The following BRSK2 variants were observed in gnomAD, a reference collection of about 807,000 sequenced individuals.
BRSK2 encodes the protein BR serine/threonine kinase 2, also known as serine/threonine-protein kinase BRSK2.
Under a neutral mutation model 83.3 loss-of-function variants are expected in BRSK2, and 19 were observed. The observed-to-expected ratio is 0.23, with a 90% CI of 0.16 to 0.33. The LOEUF (loss-of-function observed/expected upper bound fraction) is 0.33. BRSK2 is among the 10% of genes least tolerant of loss of function. The pLI, the probability that BRSK2 is intolerant of heterozygous loss-of-function variation, is 1.00. For synonymous variants in BRSK2, 519 were observed against 435.4 expected (o/e 1.19, Z -2.39); for missense variants, 798 against 1,042.3 (o/e 0.77, Z 3.23).
Position 1,424,823 on chromosome 11 carries a change from G to T in BRSK2, c.92-11217G>T, listed in dbSNP as rs191554887. ...GGTGGGCTCCCTGGGACCTACTGGC[G>T]GGGGGGCAGGTTGCGGGGGTGGAGC... On this transcript the variant is annotated intron_variant, in intron 1 of 19. Transcript: ENST00000528841. 8.1e-3 allele frequency among the ~76,000 whole-genome samples: 1,230 copies of T among 152,026 alleles called. 18 individuals carry two copies. The highest frequency in any genetic ancestry group is 0.028 in the African/African-American group (1,150 of 41,466).
At position 1,403,867 on chromosome 11, in the gene BRSK2, G is replaced by A. The variant is rs533842979; in HGVS notation, c.91+13492G>A. Reference sequence around the variant, plus strand: ...CTTCTCTGGGGGAAACACGTTGAGCGCTTCCCCACGTGGGGAGGCGGCCGG... The same window carrying A: ...CTTCTCTGGGGGAAACACGTTGAGCACTTCCCCACGTGGGGAGGCGGCCGG... On this transcript the variant is annotated intron_variant, in intron 1 of 19. Transcript: ENST00000528841. Among the ~76,000 whole-genome samples, 8 of 152,280 alleles carry A rather than the reference G, an allele frequency of 5.3e-5. No individual in the cohort carries two copies. The South Asian group carries it at 1.0e-3, about 20-fold the overall frequency.
At chr11:1,449,928 C>G in intron 13 of BRSK2, 92 bp downstream of exon 13, 1 of 902,272 alleles carries the variant, frequency 1.1e-6, no homozygotes, top group Admixed American at 2.1e-5. Context: ...GCCTCGCGGA[C>G]CCTGGGAAGC....
At chr11:1,415,349 C>T (rs560168470) in intron 1 of BRSK2, among the ~76,000 whole-genome samples, 2 of 152,274 alleles carry the variant, frequency 1.3e-5, no homozygotes, top group South Asian at 4.1e-4. Context: ...CCGTCTGGGC[C>T]TCCCAAAGTG....
At chr11:1,398,571 C>T (rs918777584) in intron 1 of BRSK2, among the ~76,000 whole-genome samples, 1 of 152,184 alleles carries the variant, frequency 6.6e-6, no homozygotes, top group Non-Finnish European at 1.5e-5. Context: ...GCCCCCTGTG[C>T]AGCCCCTTGG....
intron 1 of BRSK2, among the ~76,000 whole-genome samples, chr11:1,396,644 G>A (rs1286123009): frequency 6.6e-6 from 1 of 152,234 alleles, no homozygotes; most frequent in Non-Finnish European, 1.5e-5. Flanking sequence ...CTTGCTTGAG[G>A]GCTTCTGTGC....
intron 1 of BRSK2, among the ~76,000 whole-genome samples, chr11:1,416,106 G>A (rs1367044274): frequency 1.3e-5 from 2 of 152,268 alleles, no homozygotes; most frequent in African/African-American, 4.8e-5. Context: ...GGCCACCCGA[G>A]CTAGGGCAAG....
chr11:1,427,363 C>CA (rs1269840940), intron 1 of BRSK2, among the ~76,000 whole-genome samples: 2 of 152,178 alleles, frequency 1.3e-5, no homozygotes, highest in African/African-American at 2.4e-5. Context: ...GGCCTGCTCT[C>CA]AGATACCACG....
chr11:1,410,578 TC>T, intron 1 of BRSK2: 2 of 985,380 alleles, frequency 2.0e-6, no homozygotes, highest in South Asian at 9.4e-5. Context: ...GGCTCTCTGG[TC>T]CCCGGGAGTG....
chr11:1,449,649 A>G, intron 12 of BRSK2, 127 bp from the exon 13 acceptor site: 3 of 737,758 alleles, frequency 4.1e-6, no homozygotes, highest in Middle Eastern at 6.9e-4. Flanking sequence ...AGCAGGACCC[A>G]GGGCCTCGAG....
intron 12 of BRSK2, chr11:1,447,927 C>A: frequency 1.4e-6 from 2 of 1,465,746 alleles, no homozygotes; most frequent in Non-Finnish European, 9.3e-7. Flanking sequence ...TGCCTCAGGC[C>A]GGGCAGGCAC....
intron 1 of BRSK2, among the ~76,000 whole-genome samples, chr11:1,415,298 G>A (rs1448076291): frequency 6.6e-6 from 1 of 152,108 alleles, no homozygotes; most frequent in African/African-American, 2.4e-5. Flanking sequence ...GTTTCACCAT[G>A]TTAGCCAGGA....
chr11:1,433,256 G>C (rs190343734), intron 1 of BRSK2, among the ~76,000 whole-genome samples: 1 of 152,230 alleles, frequency 6.6e-6, no homozygotes, highest in Admixed American at 6.5e-5. Flanking sequence ...CCAGGGCTTC[G>C]CCACCTACCC....
At position 1,405,363 on chromosome 11, in the gene BRSK2, C is replaced by T. The variant is rs184736995; in HGVS notation, c.91+14988C>T. ...GTCTGCATATGCAGGTGTGTGTGTG[C>T]GTGCCCACCTGTGTGTGCAGGTGCC... is the stretch of plus-strand genomic sequence containing the variant. On this transcript the variant is annotated intron_variant, in intron 1 of 19. Transcript: ENST00000528841. 1.7e-3 allele frequency among the ~76,000 whole-genome samples: 259 copies of T among 152,130 alleles called. 1 individual carries two copies. Among genetic ancestry groups the T allele is most frequent in the Non-Finnish European group, 2.9e-3 (195 of 67,974 alleles).
At position 1,445,544 on chromosome 11, in the gene BRSK2, G is replaced by GC. The variant is rs1158360832; in HGVS notation, c.978-26dup. 2.5e-6 allele frequency: 4 copies of GC among 1,593,190 alleles called. No homozygotes were observed. The Admixed American group carries it at 7.1e-5, about 28-fold the overall frequency. On this transcript the variant is annotated intron_variant, in intron 10 of 19. Transcript: ENST00000528841. Reference sequence around the variant, plus strand: ...GGAGCCGGCGGCCCCGTGTGCCAGCGCGTCTCGCGCCTCTCGCCCGCTGTA... The same window carrying GC: ...GGAGCCGGCGGCCCCGTGTGCCAGCGCCGTCTCGCGCCTCTCGCCCGCTGTA...
chr11:1,413,384 G>A (rs1847764847), intron 1 of BRSK2, among the ~76,000 whole-genome samples: 1 of 152,164 alleles, frequency 6.6e-6, no homozygotes, highest in Non-Finnish European at 1.5e-5. Context: ...CAGGACCATG[G>A]TAGGAGACTC....
chr11:1,395,906 C>T (rs1172462073), intron 1 of BRSK2, among the ~76,000 whole-genome samples: 1 of 152,188 alleles, frequency 6.6e-6, no homozygotes, highest in Admixed American at 6.5e-5. Flanking sequence ...GAGTTGTGTC[C>T]AGAACCACTG....
chr11:1,449,991 C>T (rs73409602), intron 13 of BRSK2, among the ~76,000 whole-genome samples, 155 bp downstream of exon 13: 23,287 of 152,078 alleles, frequency 0.15, 2,284 homozygotes, highest in East Asian at 0.39. Flanking sequence ...TGCTCTGTGG[C>T]GCAGGCTGCT....
intron 18 of BRSK2, chr11:1,457,146 C>A: frequency 8.8e-7 from 1 of 1,135,762 alleles, no homozygotes; most frequent in Non-Finnish European, 1.2e-6. Context: ...TGCCCACCCA[C>A]AGGTCTCGGC....
intron 1 of BRSK2, among the ~76,000 whole-genome samples, chr11:1,422,718 A>AC (rs1209721748): frequency 6.6e-6 from 1 of 152,106 alleles, no homozygotes; most frequent in Non-Finnish European, 1.5e-5. Flanking sequence ...GGCAGGCCTG[A>AC]CCGTCCAAGG....
Sources: allele counts gnomAD v4.1 joint callset (sites outside exome capture counted in the v4.1 genomes callset), GRCh38; gene constraint gnomAD v4.1.1; transcripts MANE v1.5; gene names NCBI Gene and HGNC (gene_info 2026-07-23, HGNC 2026-07-21).